CORO2B: variants seen among roughly 807,000 people sequenced by gnomAD.
CORO2B encodes the protein coronin-2B.
A neutral mutation model predicts 58.8 loss-of-function variants in CORO2B; 26 were observed. That is an observed-to-expected ratio of 0.44 (90% CI 0.32 to 0.61). CORO2B has a LOEUF of 0.61. Ranked by LOEUF, CORO2B falls within the 20% of genes least tolerant of loss-of-function variation. CORO2B has a pLI of 0.04. For missense variants in CORO2B, 460 were observed against 645.1 expected, an observed-to-expected ratio of 0.71 and a Z score of 3.11; for synonymous variants, 242 against 253.8, an observed-to-expected ratio of 0.95 and a Z score of 0.44.
At chr15:68,624,415 C>T (rs754855764) in intron 1 of CORO2B, among the ~76,000 whole-genome samples, 13 of 152,166 alleles carry the variant, frequency 8.5e-5, no homozygotes, top group Admixed American at 2.0e-4. Flanking sequence ...TTAGAATCAA[C>T]AGTGAGCACG....
intron 2 of CORO2B, among the ~76,000 whole-genome samples, chr15:68,662,026 A>AATT (rs1566999589): frequency 0.015 from 2,279 of 149,514 alleles, 67 homozygotes; most frequent in African/African-American, 0.052. Context: ...ATAAATAAAT[A>AATT]AATTAATTAA....
chr15:68,562,591 A>C, the CORO2B span, among the ~76,000 whole-genome samples: 10 of 152,248 alleles, frequency 6.6e-5, no homozygotes, highest in Non-Finnish European at 1.3e-4. Context: ...TACATATACA[A>C]AAAAATTACT....
chr15:68,643,340 G>A (rs976499795), intron 1 of CORO2B, among the ~76,000 whole-genome samples: 3 of 151,864 alleles, frequency 2.0e-5, no homozygotes, highest in African/African-American at 7.3e-5. Flanking sequence ...CTGGGGAGGA[G>A]AGGGGAAGGC....
chr15:68,565,908 AC>A, the CORO2B span, among the ~76,000 whole-genome samples: 1 of 152,288 alleles, frequency 6.6e-6, no homozygotes, highest in African/African-American at 2.4e-5. Context: ...TTCCAGGCCC[AC>A]AGCCAGCAGG....
chr15:68,577,056 G>A (rs1366320862), upstream of CORO2B, among the ~76,000 whole-genome samples: 1 of 152,150 alleles, frequency 6.6e-6, no homozygotes. Context: ...TTCCTGGCAG[G>A]CAAGCAACGT....
In CORO2B at chr15:68,585,762, A is replaced by G. The variant is rs561114968; in HGVS notation, c.15+6485A>G. On this transcript the variant is annotated intron_variant, in intron 1 of 11. Coordinates refer to ENST00000261861, the MANE Select transcript of CORO2B (RefSeq NM_006091.5). ...TGATGCCCATGGTTGTGTCCTGCTTAGATTTGCCTGTGGTCTTTACTGGAG... is the reference window on the plus strand; with the variant it reads ...TGATGCCCATGGTTGTGTCCTGCTTGGATTTGCCTGTGGTCTTTACTGGAG... Among the ~76,000 whole-genome samples, 16 of 152,256 alleles carry G rather than the reference A, an allele frequency of 1.1e-4. No homozygotes were observed. In the South Asian group the frequency reaches 2.9e-3, roughly 28 times the overall value.
chr15:68,615,676 C>G (rs1341672737), intron 1 of CORO2B, among the ~76,000 whole-genome samples: 1 of 152,080 alleles, frequency 6.6e-6, no homozygotes, highest in Non-Finnish European at 1.5e-5. Context: ...AAAAGAGACC[C>G]CTGAGAGGCC....
chr15:68,710,913 G>A lies in CORO2B; in HGVS notation c.483+32G>A, dbSNP rs1369909023. ...AGTGGGCAGGCAGCTGGGTGGAGAG[G>A]GATTGGGGAAGAGAAAGGGGCCTTT... On this transcript the variant is annotated intron_variant, in intron 4 of 11. Transcript: ENST00000261861. This position sits in a 1 kb window ranked among gnomAD's most constrained non-coding sequence, Gnocchi z 4.1. 1 of 1,562,422 alleles carries A rather than the reference G, an allele frequency of 6.4e-7. No homozygotes were observed. Among genetic ancestry groups the A allele is most frequent in the African/African-American group, 1.3e-5 (1 of 74,102 alleles).
the CORO2B span, among the ~76,000 whole-genome samples, chr15:68,566,003 C>T: frequency 6.6e-6 from 1 of 152,212 alleles, no homozygotes; most frequent in African/African-American, 2.4e-5. Context: ...CTTTCCTCCA[C>T]CTCTGTGGAG....
intron 1 of CORO2B, among the ~76,000 whole-genome samples, chr15:68,632,833 C>T (rs758110758): frequency 6.6e-6 from 1 of 152,240 alleles, no homozygotes; most frequent in Non-Finnish European, 1.5e-5. Flanking sequence ...CTCAAGTGAT[C>T]TGCCCGCCTT....
intron 2 of CORO2B, among the ~76,000 whole-genome samples, chr15:68,650,313 C>G (rs1416687587): frequency 7.9e-6 from 1 of 126,554 alleles, no homozygotes; most frequent in Non-Finnish European, 1.6e-5. Flanking sequence ...GCTGAGATCG[C>G]GCCACTGCTC....
At chr15:68,541,333 CTATTGGCACCAAGTAGTACTATTT>C in the CORO2B span, among the ~76,000 whole-genome samples, 1 of 151,976 alleles carries the variant, frequency 6.6e-6, no homozygotes, top group Admixed American at 6.6e-5. Context: ...AGTAAGAGTC[CTATTGGCACCAAGTAGTACTATTT>C]TATTTTTAAG....
chr15:68,532,279 A>G, the CORO2B span, among the ~76,000 whole-genome samples: 2 of 152,040 alleles, frequency 1.3e-5, no homozygotes, highest in Non-Finnish European at 2.9e-5. Flanking sequence ...TACTTTAGCT[A>G]CGTATGTATT....
At chr15:68,527,517 A>G in the CORO2B span, among the ~76,000 whole-genome samples, 1 of 152,142 alleles carries the variant, frequency 6.6e-6, no homozygotes, top group African/African-American at 2.4e-5. Flanking sequence ...ATTCTATTCC[A>G]TTGATCTATG....
chr15:68,661,866 G>C (rs1218914986), intron 2 of CORO2B, among the ~76,000 whole-genome samples: 1 of 152,136 alleles, frequency 6.6e-6, no homozygotes, highest in Non-Finnish European at 1.5e-5. Context: ...AATTAGCCAG[G>C]TGTGATGGCG....
At chr15:68,725,748 A>G (rs1409633001) in intron 11 of CORO2B, 95 bp from the exon 12 acceptor site, 6 of 1,529,144 alleles carry the variant, frequency 3.9e-6, no homozygotes, top group Non-Finnish European at 4.4e-6. Flanking sequence ...ATGTGAGGGC[A>G]CGGGCGGCAG....
chr15:68,602,595 G>T (rs1456162804), intron 1 of CORO2B, among the ~76,000 whole-genome samples: 1 of 152,158 alleles, frequency 6.6e-6, no homozygotes, highest in African/African-American at 2.4e-5. Context: ...TAACCTCCAC[G>T]GTTCCCAGGG....
At chr15:68,701,822 A>G (rs1273864074) in intron 3 of CORO2B, among the ~76,000 whole-genome samples, 6 of 152,062 alleles carry the variant, frequency 3.9e-5, no homozygotes, top group Admixed American at 1.3e-4. Flanking sequence ...CAGTTGCCCT[A>G]TTGTAAAATA....
intron 2 of CORO2B, among the ~76,000 whole-genome samples, chr15:68,672,757 C>G (rs2140296713): frequency 6.6e-6 from 1 of 152,250 alleles, no homozygotes. Context: ...GGAGGAGATA[C>G]ATCAGGCAGC....
Sources: allele counts gnomAD v4.1 joint callset (sites outside exome capture counted in the v4.1 genomes callset), GRCh38; gene constraint gnomAD v4.1.1; non-coding constraint Gnocchi (gnomAD v3.1); transcripts MANE v1.5; gene names NCBI Gene and HGNC (gene_info 2026-07-23, HGNC 2026-07-21).